The following RAP1GAP2 variants were observed in gnomAD, a reference collection of about 807,000 sequenced individuals.
RAP1GAP2 encodes the protein RAP1 GTPase activating protein 2, also known as rap1 GTPase-activating protein 2.
Under a neutral mutation model 95.0 loss-of-function variants are expected in RAP1GAP2, and 27 were observed. The observed-to-expected ratio is 0.28, with a 90% CI of 0.21 to 0.39. The LOEUF is 0.39. Ranked by LOEUF, RAP1GAP2 falls within the 10% of genes least tolerant of loss-of-function variation. The pLI, the probability that RAP1GAP2 is intolerant of heterozygous loss-of-function variation, is 1.00. For synonymous variants in RAP1GAP2, 373 were observed against 380.9 expected, an observed-to-expected ratio of 0.98 and a Z score of 0.24; for missense variants, 771 against 970.0, an observed-to-expected ratio of 0.79 and a Z score of 2.72.
chr17:2,833,208 T>C (rs2070971115), intron 2 of RAP1GAP2, among the ~76,000 whole-genome samples: 1 of 149,438 alleles, frequency 6.7e-6, no homozygotes, highest in Non-Finnish European at 1.5e-5. Context: ...AGTGGTGCAA[T>C]CTCGGTTCAC....
At chr17:2,788,108 C>T (rs2068834190) in intron 1 of RAP1GAP2, among the ~76,000 whole-genome samples, 3 of 152,104 alleles carry the variant, frequency 2.0e-5, no homozygotes, top group Non-Finnish European at 4.4e-5. Flanking sequence ...CAATAAATTT[C>T]TAAAAACAAA....
At chr17:2,831,221 C>G (rs2070837740) in intron 2 of RAP1GAP2, among the ~76,000 whole-genome samples, 1 of 147,408 alleles carries the variant, frequency 6.8e-6, no homozygotes, top group African/African-American at 2.5e-5. Context: ...GGACTACAGG[C>G]ACCTGCCACC....
At chr17:3,031,074 A>G in intron 23 of RAP1GAP2, 76 bp downstream of exon 23, 1 of 1,433,632 alleles carries the variant, frequency 7.0e-7, no homozygotes, top group Non-Finnish European at 9.6e-7. Flanking sequence ...CCAGAGGAAG[A>G]GGGTTCAGAC....
chr17:3,017,923 G>A, intron 17 of RAP1GAP2, 138 bp from the exon 18 acceptor site: 3 of 744,934 alleles, frequency 4.0e-6, no homozygotes, highest in Non-Finnish European at 6.3e-6. Flanking sequence ...GACCGTGTGT[G>A]TGTGTGTGTG....
At chr17:2,848,503 T>TC (rs1372269313) in intron 2 of RAP1GAP2, among the ~76,000 whole-genome samples, 2 of 105,464 alleles carry the variant, frequency 1.9e-5, no homozygotes, top group African/African-American at 3.2e-5. Flanking sequence ...TTTTCCTTCT[T>TC]TTTTTTTTTT....
Position 2,910,904 on chromosome 17 carries a change from G to A in RAP1GAP2, c.165+5536G>A, listed in dbSNP as rs932181307. Among the ~76,000 whole-genome samples, 15 of 152,262 alleles carry A rather than the reference G, an allele frequency of 9.9e-5. No individual in the cohort carries two copies. In the East Asian group the frequency reaches 2.9e-3, roughly 29 times the overall value. On this transcript the variant is annotated intron_variant, in intron 3 of 24. Coordinates refer to ENST00000254695, the MANE Select transcript of RAP1GAP2 (RefSeq NM_015085.5). ...AGTAGAGATGGGGTTTCCCCCTGTT[G>A]GCCAGGCTGGTCTCGAGCTCCTGAC...
rs2047465774 is a variant in RAP1GAP2 at position 3,036,352 on chromosome 17, G to A, written c.*2991G>A. 6.6e-6 allele frequency: 1 copy of A among 152,238 alleles called. No individual in the cohort carries two copies. The allele number at this position is 152,238 out of a possible 1,614,324, so 9.4% of individuals were successfully genotyped here. ...CTGGGATTAGAACCCTCAACCCAGG[G>A]TCCCTTCCTCTGCAGCGCCTACATG... On this transcript the variant is annotated 3_prime_UTR_variant, in exon 25 of 25. Coordinates refer to ENST00000254695, the MANE Select transcript of RAP1GAP2 (RefSeq NM_015085.5).
chr17:2,942,615 G>A (rs2043538972), intron 3 of RAP1GAP2, among the ~76,000 whole-genome samples: 1 of 152,112 alleles, frequency 6.6e-6, no homozygotes, highest in Non-Finnish European at 1.5e-5. Flanking sequence ...GCTCTTCAGT[G>A]TACCATTGTC....
intron 3 of RAP1GAP2, among the ~76,000 whole-genome samples, chr17:2,945,608 CT>C (rs542891688): frequency 0.025 from 3,512 of 140,456 alleles, 124 homozygotes; most frequent in African/African-American, 0.08. Flanking sequence ...TTAGCTATGT[CT>C]TTTTTTTTTT....
intron 1 of RAP1GAP2, among the ~76,000 whole-genome samples, chr17:2,798,344 C>T (rs1399546135): frequency 1.3e-5 from 2 of 152,170 alleles, no homozygotes; most frequent in Admixed American, 1.3e-4. Flanking sequence ...CACACAGGCT[C>T]AGTCGATGCT....
At chr17:2,966,103 T>G (rs2044585163) in intron 8 of RAP1GAP2, among the ~76,000 whole-genome samples, 1 of 152,180 alleles carries the variant, frequency 6.6e-6, no homozygotes, top group African/African-American at 2.4e-5. Flanking sequence ...GCACTGATGT[T>G]CACAACAGGA....
intron 2 of RAP1GAP2, among the ~76,000 whole-genome samples, chr17:2,836,094 T>C (rs777671861): frequency 6.6e-6 from 1 of 152,036 alleles, no homozygotes; most frequent in Non-Finnish European, 1.5e-5. Context: ...TCCTGGGAAG[T>C]TGTCCCCATG....
intron 3 of RAP1GAP2, among the ~76,000 whole-genome samples, chr17:2,916,549 C>T (rs1597600775): frequency 6.6e-6 from 1 of 152,194 alleles, no homozygotes; most frequent in African/African-American, 2.4e-5. Context: ...CCTGTGCTGT[C>T]TTCCCCACCT....
At chr17:2,862,996 CA>C (rs1164520490) in intron 2 of RAP1GAP2, among the ~76,000 whole-genome samples, 1,225 of 49,028 alleles carry the variant, frequency 0.025, 6 homozygotes, top group African/African-American at 0.087. Context: ...GACTCTGTCT[CA>C]AAAAAAAAAA....
At chr17:2,893,271 C>T (rs976113623) in intron 2 of RAP1GAP2, among the ~76,000 whole-genome samples, 1 of 152,108 alleles carries the variant, frequency 6.6e-6, no homozygotes, top group Non-Finnish European at 1.5e-5. Context: ...GAACTCCTGA[C>T]CTCAGGTGAT....
At position 3,026,452 on chromosome 17, in the gene RAP1GAP2, G is replaced by A. The variant is rs2047120474; in HGVS notation, c.1968G>A (p.Glu656=). Residue 656 remains glutamate, a synonymous_variant, in exon 21 of 25, where the codon GAG becomes GAA. Transcript: ENST00000254695. ...STAGEGEAME[E]GDSGGSQPST... ...CAGGGGAGGGCGAGGCCATGGAGGA[G>A]GGCGACAGTGGGGTAGGTGTGCCCC... The A allele has an allele frequency of 7.1e-6, 11 of 1,549,932 alleles. No individual in the cohort carries two copies. Among genetic ancestry groups the A allele is most frequent in the Non-Finnish European group, 9.6e-6 (11 of 1,146,348 alleles).
At chr17:3,022,364 G>C (rs1464722314) in intron 19 of RAP1GAP2, among the ~76,000 whole-genome samples, 1 of 152,198 alleles carries the variant, frequency 6.6e-6, no homozygotes, top group Non-Finnish European at 1.5e-5. Context: ...CAGTTCCTTA[G>C]AAGGTTAAAC....
rs1264214724 is a variant in RAP1GAP2, at chr17:2,857,864, C to T, written c.81-47420C>T. On this transcript the variant is annotated intron_variant, in intron 2 of 24. Coordinates refer to ENST00000254695, the MANE Select transcript of RAP1GAP2 (RefSeq NM_015085.5). The surrounding 1 kb of genome is among the most constrained non-coding windows in gnomAD (Gnocchi z 4.0). Reference sequence around the variant, plus strand: ...CCTGTAATCCCAGCACTTTGGGAGGCCGAGGTGGGTGGACCACCTGAGGTC... The same window carrying T: ...CCTGTAATCCCAGCACTTTGGGAGGTCGAGGTGGGTGGACCACCTGAGGTC... Among the ~76,000 whole-genome samples the T allele has an allele frequency of 1.3e-5, 2 of 152,182 alleles. No homozygotes were observed. Among genetic ancestry groups the T allele is most frequent in the Non-Finnish European group, 2.9e-5 (2 of 68,038 alleles).
chr17:2,909,976 C>T (rs531719733), intron 3 of RAP1GAP2, among the ~76,000 whole-genome samples: 5 of 152,116 alleles, frequency 3.3e-5, no homozygotes, highest in Non-Finnish European at 7.4e-5. Context: ...CTGTCTATGG[C>T]GAGGAGGTTT....
Sources: allele counts gnomAD v4.1 joint callset (sites outside exome capture counted in the v4.1 genomes callset), GRCh38; gene constraint gnomAD v4.1.1; non-coding constraint Gnocchi (gnomAD v3.1); transcripts MANE v1.5; gene names NCBI Gene and HGNC (gene_info 2026-07-23, HGNC 2026-07-21).